The following ARHGAP25 variants were observed in gnomAD, a reference collection of about 807,000 sequenced individuals.
The protein encoded by ARHGAP25 is Rho GTPase activating protein 25, also known as rho GTPase-activating protein 25.
A neutral mutation model predicts 71.0 loss-of-function variants in ARHGAP25; 34 were observed. The observed-to-expected ratio is 0.48, with a 90% confidence interval of 0.36 to 0.64. The LOEUF is 0.64. Ranked by LOEUF, ARHGAP25 falls within the 30% of genes least tolerant of loss-of-function variation. The pLI is 0.00. For synonymous variants in ARHGAP25, 282 were observed against 296.5 expected, an observed-to-expected ratio of 0.95 and a Z score of 0.50; for missense variants, 706 against 805.1, an observed-to-expected ratio of 0.88 and a Z score of 1.49.
intron 5 of ARHGAP25, among the ~76,000 whole-genome samples, chr2:68,808,572 C>T (rs1680546115): frequency 6.6e-6 from 1 of 152,126 alleles, no homozygotes; most frequent in African/African-American, 2.4e-5. Context: ...TATTTTAGCA[C>T]CCTAGGAAGC....
chr2:68,765,869 T>C (rs529142946), intron 1 of ARHGAP25, among the ~76,000 whole-genome samples: 3 of 152,280 alleles, frequency 2.0e-5, no homozygotes, highest in African/African-American at 7.2e-5. Context: ...AAATCACTGT[T>C]CCCTAAGACC....
chr2:68,769,728 GGAAGTGGGGCCT>G (rs1677360550), intron 1 of ARHGAP25, among the ~76,000 whole-genome samples: 1 of 152,096 alleles, frequency 6.6e-6, no homozygotes, highest in Non-Finnish European at 1.5e-5. Context: ...GCTTCTCACA[GGAAGTGGGGCCT>G]GAAGGGATTC....
rs1482939287 is a variant in ARHGAP25, at chr2:68,819,651, GT to G, written c.1200+336del. ...GAAAAATGTATACAACATTGTAAAT[GT>G]TTTGGTCAGAATTGTTGAAAATTCT... On this transcript the variant is annotated intron_variant, in intron 9 of 10. Coordinates refer to ENST00000409202, the MANE Select transcript of ARHGAP25 (RefSeq NM_001007231.3). The G allele has an allele frequency of 9.1e-6, 5 of 552,448 alleles. No individual in the cohort carries two copies. In the East Asian group the frequency reaches 1.4e-4, roughly 16 times the overall value. The allele number at this position is 552,448 out of a possible 1,614,324, so 34.2% of individuals were successfully genotyped here.
In ARHGAP25 at chr2:68,807,456, C is replaced by A. The variant is rs1680455470; in HGVS notation, c.650C>A (p.Ala217Asp). 6.8e-6 allele frequency: 11 copies of A among 1,614,196 alleles called. No homozygotes were observed. The highest frequency in any genetic ancestry group is 9.3e-6 in the Non-Finnish European group (11 of 1,180,026). ...LVKQLRDAFD[A>D]GERPSFDRDT... ...AAGCAGCTGAGAGACGCTTTTGATG[C>A]TGGGGAGCGGCCCTCCTTTGACAGG... Residue 217 changes from alanine (A) to aspartate (D), a missense_variant, in exon 5 of 11, where the codon GCT (alanine) becomes GAT (aspartate). Physicochemically the swap from Ala to Asp is moderately radical, Grantham distance 126. Coordinates refer to ENST00000409202, the MANE Select transcript of ARHGAP25 (RefSeq NM_001007231.3).
chr2:68,732,022 C>G (rs1445821899), upstream of ARHGAP25, among the ~76,000 whole-genome samples: 1 of 152,218 alleles, frequency 6.6e-6, no homozygotes, highest in Non-Finnish European at 1.5e-5. Context: ...ATCCGCTTAT[C>G]ATTCAACAAG....
chr2:68,747,921 A>C (rs1675932695), intron 1 of ARHGAP25, among the ~76,000 whole-genome samples: 1 of 152,198 alleles, frequency 6.6e-6, no homozygotes, highest in Non-Finnish European at 1.5e-5. Flanking sequence ...CTAGTCTAGG[A>C]AATAGTTAGC....
chr2:68,760,606 AATT>A (rs1243036656), intron 1 of ARHGAP25, among the ~76,000 whole-genome samples: 1 of 152,056 alleles, frequency 6.6e-6, no homozygotes, highest in African/African-American at 2.4e-5. Context: ...AGAATAAATT[AATT>A]AGGAATTAAC....
chr2:68,725,324 A>T lies in ARHGAP25; in HGVS notation c.-18+14626A>T, dbSNP rs1388045579. Among the ~76,000 whole-genome samples, 9 of 151,932 alleles carry T rather than the reference A, an allele frequency of 5.9e-5. No individual in the cohort carries two copies. In the East Asian group the frequency reaches 1.2e-3, roughly 20 times the overall value. ...CAGCGATCTTTTATTATTTTATTAT[A>T]ATAATAATAATAATTATTGAAACAG... On this transcript the variant is annotated intron_variant and NMD_transcript_variant, in intron 2 of 7. Coordinates refer to the ARHGAP25 transcript ENST00000463483.
At chr2:68,728,702 G>T (rs1408397276) in intron 2 of ARHGAP25, among the ~76,000 whole-genome samples, 4 of 152,078 alleles carry the variant, frequency 2.6e-5, no homozygotes, top group Non-Finnish European at 5.9e-5. Flanking sequence ...TTTGAGACCA[G>T]CCTGGGCAAC....
At chr2:68,783,094 G>A (rs1016064717) in intron 3 of ARHGAP25, among the ~76,000 whole-genome samples, 1 of 152,206 alleles carries the variant, frequency 6.6e-6, no homozygotes, top group African/African-American at 2.4e-5. Flanking sequence ...AGGTGACTGT[G>A]TGCATAAGAA....
intron 4 of ARHGAP25, among the ~76,000 whole-genome samples, chr2:68,797,196 A>G (rs569771920): frequency 1.4e-4 from 21 of 152,280 alleles, no homozygotes; most frequent in African/African-American, 5.1e-4. Context: ...CCAATGGCAT[A>G]TGCATGCACC....
intron 1 of ARHGAP25, among the ~76,000 whole-genome samples, chr2:68,744,805 T>G (rs1408774744): frequency 6.6e-6 from 1 of 152,220 alleles, no homozygotes; most frequent in Non-Finnish European, 1.5e-5. Flanking sequence ...ATAAATGTGG[T>G]CTATTTTCAT....
At chr2:68,746,685 G>T (rs1395883119) in intron 1 of ARHGAP25, among the ~76,000 whole-genome samples, 1 of 146,318 alleles carries the variant, frequency 6.8e-6, no homozygotes, top group Admixed American at 6.9e-5. Flanking sequence ...CATGGGCATG[G>T]GTTTAAAGAC....
chr2:68,797,882 CCT>C (rs1240412138), intron 4 of ARHGAP25, among the ~76,000 whole-genome samples: 8 of 152,188 alleles, frequency 5.3e-5, no homozygotes, highest in Admixed American at 1.3e-4. Flanking sequence ...ACTCACTCAC[CCT>C]CTCCCATTTG....
At chr2:68,772,983 A>C (rs1343136849) in intron 1 of ARHGAP25, among the ~76,000 whole-genome samples, 1 of 152,254 alleles carries the variant, frequency 6.6e-6, no homozygotes, top group South Asian at 2.1e-4. Context: ...AAGCTGAATC[A>C]AATATGTCTT....
At chr2:68,715,546 C>G (rs1674588594) in intron 2 of ARHGAP25, among the ~76,000 whole-genome samples, 1 of 152,084 alleles carries the variant, frequency 6.6e-6, no homozygotes, top group African/African-American at 2.4e-5. Context: ...GAAAAAGATG[C>G]TTGGGAAGAG....
chr2:68,745,433 C>T (rs1000496523), intron 1 of ARHGAP25, among the ~76,000 whole-genome samples: 10 of 152,176 alleles, frequency 6.6e-5, no homozygotes, highest in African/African-American at 2.4e-4. Context: ...TATCAGTCAC[C>T]CCATTAGGTC....
intron 1 of ARHGAP25, among the ~76,000 whole-genome samples, chr2:68,766,311 C>G (rs1449675997): frequency 6.6e-6 from 1 of 152,222 alleles, no homozygotes; most frequent in Non-Finnish European, 1.5e-5. Context: ...TAACCAGCTA[C>G]ATTGTCAAAG....
At chr2:68,819,435 T>C (rs1424583066) in intron 9 of ARHGAP25, 116 bp downstream of exon 9, 3 of 1,001,294 alleles carry the variant, frequency 3.0e-6, no homozygotes, top group Non-Finnish European at 4.7e-6. Flanking sequence ...GCAGTGGCAG[T>C]GGGCGCTGCT....
Sources: gnomAD v4.1 joint callset for allele counts (sites outside exome capture counted in the v4.1 genomes callset) on GRCh38, gnomAD v4.1.1 for gene constraint, MANE v1.5 for transcripts, NCBI Gene and HGNC (gene_info 2026-07-23, HGNC 2026-07-21) for gene names.